The following FGF14 variants were observed in gnomAD, a reference collection of about 807,000 sequenced individuals.
FGF14 encodes the protein fibroblast growth factor 14.
In FGF14, 5 loss-of-function variants were observed where a neutral mutation model predicts 25.5. The observed-to-expected ratio is 0.20, with a 90% confidence interval of 0.10 to 0.41. The LOEUF is 0.41. Among genes scored for constraint, FGF14 ranks in the 10% least tolerant of loss-of-function variants. FGF14 has a pLI of 1.00. For missense variants in FGF14, 222 were observed against 320.1 expected (o/e 0.69, Z 2.34); for synonymous variants, 138 against 118.3 (o/e 1.17, Z -1.08).
At chr13:102,060,926 C>T (rs796235673) in intron 1 of FGF14, among the ~76,000 whole-genome samples, 4 of 152,268 alleles carry the variant, frequency 2.6e-5, no homozygotes, top group African/African-American at 7.2e-5. Context: ...TCAAGAAGAA[C>T]ACACCAGCAG....
chr13:101,991,649 G>T (rs946871591), intron 1 of FGF14, among the ~76,000 whole-genome samples: 1 of 152,184 alleles, frequency 6.6e-6, no homozygotes, highest in East Asian at 1.9e-4. Context: ...GAGACAGGTG[G>T]GTACAGAGAA....
chr13:102,161,059 C>CA (rs1278118803), intron 1 of FGF14, among the ~76,000 whole-genome samples: 1 of 151,674 alleles, frequency 6.6e-6, no homozygotes, highest in Non-Finnish European at 1.5e-5. Flanking sequence ...GGAAAATAAA[C>CA]AAAGTATTCC....
intron 1 of FGF14, among the ~76,000 whole-genome samples, chr13:102,075,233 A>T (rs547917580): frequency 6.6e-6 from 1 of 152,372 alleles, no homozygotes; most frequent in South Asian, 2.1e-4. Context: ...TGCAAAGTAC[A>T]AAATCAACAT....
At chr13:101,866,125 C>A (rs992952114) in intron 3 of FGF14, among the ~76,000 whole-genome samples, 6 of 151,900 alleles carry the variant, frequency 3.9e-5, no homozygotes, top group Non-Finnish European at 5.9e-5. Context: ...TTTTTCTTGA[C>A]AAATTTTCTA....
intron 1 of FGF14, among the ~76,000 whole-genome samples, chr13:102,049,274 G>A (rs1485728734): frequency 1.3e-5 from 2 of 152,092 alleles, no homozygotes; most frequent in Non-Finnish European, 2.9e-5. Flanking sequence ...TACATTCTGA[G>A]TTTTAACCAG....
At chr13:102,301,400 T>C (rs529822166) in intron 1 of FGF14, among the ~76,000 whole-genome samples, 9 of 152,338 alleles carry the variant, frequency 5.9e-5, no homozygotes, top group African/African-American at 2.2e-4. Flanking sequence ...TTGACAGTTA[T>C]GAATTTCCTA....
chr13:102,284,160 T>C (rs1192800450), intron 1 of FGF14, among the ~76,000 whole-genome samples: 1 of 152,218 alleles, frequency 6.6e-6, no homozygotes, highest in Non-Finnish European at 1.5e-5. Flanking sequence ...CTTGATGTCA[T>C]CTCAAAGTCT....
chr13:102,034,471 G>A (rs533337377), intron 1 of FGF14, among the ~76,000 whole-genome samples: 1 of 152,222 alleles, frequency 6.6e-6, no homozygotes, highest in East Asian at 1.9e-4. Context: ...ATTCTATCTG[G>A]AAATAAGAAA....
intron 1 of FGF14, among the ~76,000 whole-genome samples, chr13:102,175,225 T>C (rs1487242998): frequency 6.6e-6 from 1 of 152,132 alleles, no homozygotes; most frequent in Non-Finnish European, 1.5e-5. Context: ...CAAAACAGCA[T>C]GGTACTGGTA....
intron 3 of FGF14, among the ~76,000 whole-genome samples, chr13:101,762,340 C>T (rs567916637): frequency 1.3e-5 from 2 of 152,236 alleles, no homozygotes; most frequent in African/African-American, 2.4e-5. Context: ...TCTTCTAACC[C>T]CATTGTGCAA....
chr13:101,856,908 CTT>C (rs1226366086), intron 3 of FGF14, among the ~76,000 whole-genome samples: 2 of 151,958 alleles, frequency 1.3e-5, no homozygotes, highest in African/African-American at 2.4e-5. Flanking sequence ...ACAGGCATCT[CTT>C]TTGCACGTGG....
At position 102,376,196 on chromosome 13, in the gene FGF14, T is replaced by G. The variant is rs146188917; in HGVS notation, c.208+25275A>C. ...AATCTGGGGGCAGTTTTCCCCATAC[T>G]GTTCTCATGGTAGTGAATAAGTCTC... On this transcript the variant is annotated intron_variant, in intron 1 of 4. Coordinates refer to the FGF14 transcript ENST00000376131. Among the ~76,000 whole-genome samples, 911 of 152,264 alleles carry G rather than the reference T, an allele frequency of 6.0e-3. 6 individuals carry two copies. The highest frequency in any genetic ancestry group is 0.02 in the Middle Eastern group (6 of 294).
chr13:102,055,453 A>G (rs2042387646), intron 1 of FGF14, among the ~76,000 whole-genome samples: 1 of 152,232 alleles, frequency 6.6e-6, no homozygotes, highest in Non-Finnish European at 1.5e-5. Flanking sequence ...TTTTTAAAAC[A>G]TAACTAAGAT....
chr13:101,762,148 T>C (rs2038071373), intron 3 of FGF14, among the ~76,000 whole-genome samples: 2 of 152,206 alleles, frequency 1.3e-5, no homozygotes, highest in African/African-American at 2.4e-5. Flanking sequence ...TTTGTCTGAT[T>C]TCTAGTAGCA....
At chr13:101,917,918 C>T (rs1206690318), upstream of FGF14, among the ~76,000 whole-genome samples, 1 of 152,046 alleles carries the variant, frequency 6.6e-6, no homozygotes, top group Non-Finnish European at 1.5e-5. Context: ...TTGAAGAAGT[C>T]AGGGCAGAAA....
intron 1 of FGF14, among the ~76,000 whole-genome samples, chr13:102,195,791 C>CAAAA (rs1161228618): frequency 1.7e-5 from 1 of 59,980 alleles, no homozygotes; most frequent in African/African-American, 5.2e-5. Context: ...GACCCAGTCT[C>CAAAA]AAAAAAAAAA....
At chr13:101,904,715 T>C (rs1021342190) in intron 1 of FGF14, among the ~76,000 whole-genome samples, 1 of 152,184 alleles carries the variant, frequency 6.6e-6, no homozygotes, top group Non-Finnish European at 1.5e-5. Context: ...CAGTGTAATA[T>C]GCATCTCAGT....
At chr13:102,256,715 T>C (rs1021785973) in intron 1 of FGF14, among the ~76,000 whole-genome samples, 6 of 152,226 alleles carry the variant, frequency 3.9e-5, no homozygotes, top group African/African-American at 1.4e-4. Flanking sequence ...TACTAGTAAT[T>C]GCTCATGCTA....
intron 1 of FGF14, among the ~76,000 whole-genome samples, chr13:102,088,371 T>C (rs1014657458): frequency 6.6e-6 from 1 of 152,218 alleles, no homozygotes; most frequent in African/African-American, 2.4e-5. Flanking sequence ...TTTATATTAA[T>C]GAAAATGAAT....
Sources: gnomAD v4.1 joint callset for allele counts (sites outside exome capture counted in the v4.1 genomes callset) on GRCh38, gnomAD v4.1.1 for gene constraint, MANE v1.5 for transcripts, NCBI Gene and HGNC (gene_info 2026-07-23, HGNC 2026-07-21) for gene names.